The following NCALD variants were observed in gnomAD, a reference collection of about 807,000 sequenced individuals.
NCALD encodes the protein neurocalcin-delta.
Under a neutral mutation model 18.6 loss-of-function variants are expected in NCALD, and 10 were observed. That is an observed-to-expected ratio of 0.54 (90% CI 0.33 to 0.91). NCALD has a LOEUF of 0.91. Ranked by LOEUF, NCALD falls within the 40% of genes least tolerant of loss-of-function variation. NCALD has a pLI of 0.03. For synonymous variants in NCALD, 88 were observed against 87.4 expected (o/e 1.01, Z -0.04); for missense variants, 184 against 247.6 (o/e 0.74, Z 1.72).
intron 1 of NCALD, among the ~76,000 whole-genome samples, chr8:102,094,505 A>G (rs1194215959): frequency 6.6e-6 from 1 of 152,198 alleles, no homozygotes; most frequent in African/African-American, 2.4e-5. Context: ...TACTATTTCC[A>G]CTACTCCATT....
chr8:101,864,472 G>C (rs1019056866), intron 4 of NCALD, among the ~76,000 whole-genome samples: 1 of 152,168 alleles, frequency 6.6e-6, no homozygotes, highest in African/African-American at 2.4e-5. Flanking sequence ...TCTGGAGAGA[G>C]AGAGGTGAGA....
At chr8:102,003,026 T>C (rs1320548918) in intron 2 of NCALD, among the ~76,000 whole-genome samples, 1 of 151,552 alleles carries the variant, frequency 6.6e-6, no homozygotes, top group African/African-American at 2.4e-5. Flanking sequence ...GTAACTAAGA[T>C]CAGAGCAGAA....
At chr8:101,811,910 C>G (rs1176129498) in intron 4 of NCALD, among the ~76,000 whole-genome samples, 3 of 152,202 alleles carry the variant, frequency 2.0e-5, no homozygotes, top group Admixed American at 1.3e-4. Flanking sequence ...TGGCTTATAT[C>G]AGAGAACGTG....
chr8:101,835,795 T>G (rs1458043107), intron 4 of NCALD, among the ~76,000 whole-genome samples: 13 of 150,444 alleles, frequency 8.6e-5, no homozygotes, highest in Non-Finnish European at 1.5e-5. Context: ...GTAGCTACTT[T>G]GCAGAAACAA....
intron 1 of NCALD, among the ~76,000 whole-genome samples, chr8:101,733,268 T>A (rs1563709653): frequency 1.3e-5 from 2 of 152,342 alleles, no homozygotes; most frequent in East Asian, 1.9e-4. Context: ...AAAGAGAATA[T>A]GCAATAATTT....
chr8:101,743,354 CA>C (rs1330888494), intron 1 of NCALD, among the ~76,000 whole-genome samples: 2 of 152,078 alleles, frequency 1.3e-5, no homozygotes, highest in East Asian at 3.9e-4. Flanking sequence ...CTGCTTTATA[CA>C]AAAGTTGTGA....
intron 4 of NCALD, among the ~76,000 whole-genome samples, chr8:101,880,712 A>G (rs13248981): frequency 7.9e-5 from 12 of 152,260 alleles, no homozygotes; most frequent in Non-Finnish European, 1.6e-4. Context: ...TTTAATTCCA[A>G]CTAAGAAAAT....
intron 4 of NCALD, among the ~76,000 whole-genome samples, chr8:101,869,464 T>G (rs1327149457): frequency 6.6e-6 from 1 of 152,202 alleles, no homozygotes; most frequent in African/African-American, 2.4e-5. Context: ...GACCTTGATT[T>G]TAGACTCTGA....
intron 1 of NCALD, among the ~76,000 whole-genome samples, chr8:102,047,765 T>C (rs949615437): frequency 6.6e-6 from 1 of 152,224 alleles, no homozygotes; most frequent in African/African-American, 2.4e-5. Context: ...GGTACTATTA[T>C]TATTCTTCCC....
rs543344733 is a variant in NCALD at position 102,051,400 on chromosome 8, C to T, written c.-209-31111G>A. ...CAGTACGTGGTACCTATTGAGAGCTCAGTATGGCTGGACCGCAGTAGCCTT... is the reference window on the plus strand; with the variant it reads ...CAGTACGTGGTACCTATTGAGAGCTTAGTATGGCTGGACCGCAGTAGCCTT... On this transcript the variant is annotated intron_variant, in intron 1 of 6. Transcript: ENST00000311028. Among the ~76,000 whole-genome samples the T allele has an allele frequency of 2.6e-5, 4 of 152,172 alleles. No individual in the cohort carries two copies. The South Asian group carries it at 6.2e-4, about 24-fold the overall frequency.
intron 3 of NCALD, among the ~76,000 whole-genome samples, chr8:101,911,198 G>A (rs1316293267): frequency 6.6e-6 from 1 of 151,096 alleles, no homozygotes; most frequent in Non-Finnish European, 1.5e-5. Context: ...TGGCATAAGA[G>A]GAACCAGTAG....
chr8:102,100,355 C>A lies in NCALD; in HGVS notation c.-210+23882G>T, dbSNP rs575303913. Among the ~76,000 whole-genome samples, 29 of 152,220 alleles carry A rather than the reference C, an allele frequency of 1.9e-4. No individual in the cohort carries two copies. The South Asian group carries it at 6.0e-3, about 32-fold the overall frequency. ...TTCTTTTATTAATGTGACATTAAATCTTGAAAATCCCACAGCAACTACTTT... is the reference window on the plus strand; with the variant it reads ...TTCTTTTATTAATGTGACATTAAATATTGAAAATCCCACAGCAACTACTTT... On this transcript the variant is annotated intron_variant, in intron 1 of 6. Transcript: ENST00000311028.
chr8:101,790,431 G>C (rs942716060), intron 1 of NCALD, among the ~76,000 whole-genome samples: 1 of 152,158 alleles, frequency 6.6e-6, no homozygotes, highest in Non-Finnish European at 1.5e-5. Flanking sequence ...AAACAAGATA[G>C]AAACCAAATT....
intron 2 of NCALD, among the ~76,000 whole-genome samples, chr8:101,697,047 G>C (rs1815026778): frequency 6.6e-6 from 1 of 151,470 alleles, no homozygotes; most frequent in Non-Finnish European, 1.5e-5. Flanking sequence ...TAGACCACTA[G>C]CTAGACTAAT....
At chr8:102,015,859 C>T (rs189268142) in intron 2 of NCALD, among the ~76,000 whole-genome samples, 2 of 152,224 alleles carry the variant, frequency 1.3e-5, no homozygotes, top group East Asian at 1.9e-4. Flanking sequence ...GACAGTATCC[C>T]TGGGAGCCTC....
At chr8:101,796,787 A>G (rs1812653778) in intron 4 of NCALD, among the ~76,000 whole-genome samples, 1 of 152,200 alleles carries the variant, frequency 6.6e-6, no homozygotes, top group African/African-American at 2.4e-5. Flanking sequence ...ACAAAAAGAC[A>G]CCGTGAAAGG....
At chr8:101,928,133 C>T (rs965578135) in intron 2 of NCALD, among the ~76,000 whole-genome samples, 3 of 152,102 alleles carry the variant, frequency 2.0e-5, no homozygotes, top group African/African-American at 7.2e-5. Context: ...CTTAACAGAA[C>T]TTAATTAAAT....
chr8:101,761,554 G>A (rs1811109597), intron 1 of NCALD, among the ~76,000 whole-genome samples: 1 of 152,206 alleles, frequency 6.6e-6, no homozygotes, highest in African/African-American at 2.4e-5. Flanking sequence ...ACCCAATCAG[G>A]AAATATTTAT....
intron 3 of NCALD, chr8:101,692,217 A>T (rs1451008455): frequency 1.0e-6 from 1 of 985,246 alleles, no homozygotes; most frequent in East Asian, 1.1e-4. Flanking sequence ...TTGGGTTTGA[A>T]TTGTGGGTAG....
Sources: allele counts gnomAD v4.1 joint callset (sites outside exome capture counted in the v4.1 genomes callset), GRCh38; gene constraint gnomAD v4.1.1; transcripts MANE v1.5; gene names NCBI Gene and HGNC (gene_info 2026-07-23, HGNC 2026-07-21).